SAMD14: variants seen among roughly 807,000 people sequenced by gnomAD.
SAMD14 encodes the protein sterile alpha motif domain containing 14.
In SAMD14, 27 loss-of-function variants were observed where a neutral mutation model predicts 46.2. The ratio of observed to expected loss-of-function variants is 0.58; its 90% CI spans 0.43 to 0.81. The LOEUF (loss-of-function observed/expected upper bound fraction) is 0.81, where lower values mean the gene tolerates loss of function less well. Among genes scored for constraint, SAMD14 ranks in the 30% least tolerant of loss-of-function variants. SAMD14 has a pLI of 0.00. For missense variants in SAMD14, 559 were observed against 582.2 expected (o/e 0.96, Z 0.41); for synonymous variants, 241 against 254.3 (o/e 0.95, Z 0.50).
intron 3 of SAMD14, 33 bp from the exon 4 acceptor site, chr17:50,117,728 C>T: frequency 7.1e-7 from 1 of 1,407,638 alleles, no homozygotes; most frequent in Non-Finnish European, 9.2e-7. Context: ...ACCGAGAACC[C>T]TCCTCCTCCC....
In SAMD14 at chr17:50,117,499, G is replaced by T; in HGVS notation, c.407C>A (p.Ala136Asp). Residue 136 changes from alanine to aspartate, a missense_variant, in exon 4 of 10, where the codon GCC becomes GAC. Physicochemically the swap from Ala to Asp is moderately radical, Grantham distance 126. Coordinates refer to ENST00000330175, the MANE Select transcript of SAMD14 (RefSeq NM_001257359.2). ...HNAASHEGLA[A>D]ASCSPPRSAP... ...GGAGCGCGGCGGAGAGCAGGAGGCGGCGGCCAGGCCCTCGTGCGACGCAGC... is the reference window on the plus strand; with the variant it reads ...GGAGCGCGGCGGAGAGCAGGAGGCGTCGGCCAGGCCCTCGTGCGACGCAGC... 1 of 1,454,370 alleles carries T rather than the reference G, an allele frequency of 6.9e-7. No individual in the cohort carries two copies. The highest frequency in any genetic ancestry group is 1.4e-5 in the South Asian group (1 of 70,990). The allele number at this position is 1,454,370 out of a possible 1,614,324, so 90.1% of individuals were successfully genotyped here. A position where few individuals can be genotyped will look rare whatever the true frequency, so the allele number is the denominator to read the frequency against.
chr17:50,125,030 G>C, intron 1 of SAMD14, 59 bp from the exon 2 acceptor site: 1 of 1,502,610 alleles, frequency 6.7e-7, no homozygotes, highest in Non-Finnish European at 9.2e-7. Flanking sequence ...GATTCAGGCT[G>C]ACCGAGGCAG....
intron 9 of SAMD14, 46 bp from the exon 10 acceptor site, chr17:50,113,094 A>C: frequency 6.3e-7 from 1 of 1,598,094 alleles, no homozygotes; most frequent in Non-Finnish European, 8.5e-7. Flanking sequence ...GAACCTTCCC[A>C]GTCCTGGCCT....
chr17:50,113,831 G>T, intron 9 of SAMD14, 93 bp downstream of exon 9: 2 of 1,503,552 alleles, frequency 1.3e-6, no homozygotes, highest in Non-Finnish European at 1.8e-6. Context: ...AGGAGGCTGG[G>T]CTGAGGGTCA....
At chr17:50,113,116 G>T in intron 9 of SAMD14, 68 bp from the exon 10 acceptor site, 2 of 1,567,556 alleles carry the variant, frequency 1.3e-6, no homozygotes, top group African/African-American at 1.4e-5. Flanking sequence ...CCACGCCCAG[G>T]CTCCTTTTGC....
intron 2 of SAMD14, among the ~76,000 whole-genome samples, chr17:50,122,743 A>G (rs1157977231): frequency 1.3e-5 from 2 of 152,126 alleles, no homozygotes; most frequent in Admixed American, 1.3e-4. Context: ...GGGTAACCAT[A>G]AAGAGCCGAG....
chr17:50,121,271 C>G (rs1911488846), intron 2 of SAMD14, among the ~76,000 whole-genome samples: 2 of 151,350 alleles, frequency 1.3e-5, no homozygotes, highest in African/African-American at 4.9e-5. Flanking sequence ...TCTGGCTCCT[C>G]CTCGTACCTT....
chr17:50,120,091 G>C (rs959352683), intron 2 of SAMD14, among the ~76,000 whole-genome samples: 3 of 152,304 alleles, frequency 2.0e-5, no homozygotes, highest in South Asian at 2.1e-4. Flanking sequence ...AGGGCAATAG[G>C]GGGAGGGCGT....
rs1450062643 is a variant in SAMD14 at position 50,129,388 on chromosome 17, TC to T, written c.-13+128del. 2.0e-5 allele frequency: 3 copies of T among 151,990 alleles called. No homozygotes were observed. Among genetic ancestry groups the T allele is most frequent in the African/African-American group, 7.3e-5 (3 of 41,310 alleles). The allele number at this position is 151,990 out of a possible 1,614,324, so 9.4% of individuals were successfully genotyped here. A position where few individuals can be genotyped will look rare whatever the true frequency, so the allele number is the denominator to read the frequency against. On this transcript the variant is annotated intron_variant, in intron 1 of 9. Transcript: ENST00000330175. This position sits in a 1 kb window ranked among gnomAD's most constrained non-coding sequence, Gnocchi z 5.6. Reference sequence around the variant, plus strand: ...AGCCCGGCACCCCAGCCCCGTGCGGTCCCCCTAGGGATAGGGGAAGAAAGGC... The same window carrying T: ...AGCCCGGCACCCCAGCCCCGTGCGGTCCCCTAGGGATAGGGGAAGAAAGGC...
At chr17:50,127,843 CT>C (rs1454282841) in intron 1 of SAMD14, among the ~76,000 whole-genome samples, 1 of 152,168 alleles carries the variant, frequency 6.6e-6, no homozygotes, top group Admixed American at 6.5e-5. Flanking sequence ...ACCACAAAGC[CT>C]TATCTGGCTA....
intron 9 of SAMD14, 98 bp downstream of exon 9, chr17:50,113,826 G>T: frequency 7.0e-7 from 1 of 1,433,272 alleles, no homozygotes; most frequent in Non-Finnish European, 9.7e-7. Flanking sequence ...AGCCCAGGAG[G>T]CTGGGCTGAG....
chr17:50,110,101 C>T lies in SAMD14; in HGVS notation c.*2792G>A. 6.3e-7 allele frequency: 1 copy of T among 1,596,618 alleles called. No homozygotes were observed. Among genetic ancestry groups the T allele is most frequent in the Non-Finnish European group, 8.5e-7 (1 of 1,169,728 alleles). ...GTCCACGTACCGCGTCAGCTAAGGG[C>T]CGCCGTGCATCTGCACCTGAGAGGA... is the stretch of plus-strand genomic sequence containing the variant. On this transcript the variant is annotated 3_prime_UTR_variant, in exon 10 of 10. Transcript: ENST00000330175.
chr17:50,123,751 G>T (rs889526892), intron 2 of SAMD14, among the ~76,000 whole-genome samples: 2 of 152,182 alleles, frequency 1.3e-5, no homozygotes, highest in African/African-American at 2.4e-5. Flanking sequence ...TTTCACATCA[G>T]GAAGCAGTGA....
At chr17:50,127,420 T>C (rs1029098491) in intron 1 of SAMD14, among the ~76,000 whole-genome samples, 2 of 151,518 alleles carry the variant, frequency 1.3e-5, no homozygotes, top group African/African-American at 4.9e-5. Flanking sequence ...CTGACCAACA[T>C]GGAAAAAACT....
Position 50,112,843 on chromosome 17 carries a change from G to T in SAMD14, c.*50C>A, listed in dbSNP as rs375054249. ...AGCCTCCCTGGTGAGGCCTGTGCCC[G>T]CGGAGCCAGTGGCTGCCCCTGCCGG... On this transcript the variant is annotated 3_prime_UTR_variant, in exon 10 of 10. Coordinates refer to ENST00000330175, the MANE Select transcript of SAMD14 (RefSeq NM_001257359.2). 1 of 1,572,332 alleles carries T rather than the reference G, an allele frequency of 6.4e-7. No homozygotes were observed. The highest frequency in any genetic ancestry group is 1.8e-5 in the Admixed American group (1 of 56,674).
At chr17:50,124,771 G>GCGCGCGCGCACACA (rs71353620) in intron 2 of SAMD14, 146 bp downstream of exon 2, 4 of 569,590 alleles carry the variant, frequency 7.0e-6, no homozygotes, top group African/African-American at 2.0e-5. Flanking sequence ...ACGCGCGCGC[G>GCGCGCGCGCACACA]CACACACACA....
At position 50,129,137 on chromosome 17, in the gene SAMD14, G is replaced by T. The variant is rs1390245304; in HGVS notation, c.-13+380C>A. 6.6e-6 allele frequency among the ~76,000 whole-genome samples: 1 copy of T among 152,216 alleles called. No individual in the cohort carries two copies. The highest frequency in any genetic ancestry group is 6.5e-5 in the Admixed American group (1 of 15,302). On this transcript the variant is annotated intron_variant, in intron 1 of 9. Coordinates refer to ENST00000330175, the MANE Select transcript of SAMD14 (RefSeq NM_001257359.2). The surrounding 1 kb of genome is among the most constrained non-coding windows in gnomAD (Gnocchi z 5.6). ...CCCCTCAAAGCACTGTTGGAGATGG[G>T]GTGAGGTTGGGGACAGGGCACCTAC...
intron 1 of SAMD14, among the ~76,000 whole-genome samples, chr17:50,128,964 G>A (rs1384185457): frequency 1.3e-5 from 2 of 152,228 alleles, no homozygotes; most frequent in Non-Finnish European, 2.9e-5. Context: ...AGAGAGAAGT[G>A]CAACTGGGAG....
chr17:50,116,260 C>T, intron 4 of SAMD14, 170 bp from the exon 5 acceptor site: 6 of 1,001,426 alleles, frequency 6.0e-6, no homozygotes, highest in South Asian at 1.8e-5. Context: ...CTCTGGCCTT[C>T]CTCCATTTTA....
Sources: allele counts gnomAD v4.1 joint callset (sites outside exome capture counted in the v4.1 genomes callset), GRCh38; gene constraint gnomAD v4.1.1; non-coding constraint Gnocchi (gnomAD v3.1); transcripts MANE v1.5; gene names NCBI Gene and HGNC (gene_info 2026-07-23, HGNC 2026-07-21).